Variants in MYSM1 observed in about 807,000 individuals in gnomAD.
The protein encoded by MYSM1 is deubiquitinase MYSM1.
A neutral mutation model predicts 116.0 loss-of-function variants in MYSM1; 51 were observed. The ratio of observed to expected loss-of-function variants is 0.44; its 90% CI spans 0.35 to 0.56. MYSM1 has a LOEUF of 0.56. Ranked by LOEUF, MYSM1 falls within the 20% of genes least tolerant of loss-of-function variation. The probability of loss-of-function intolerance (pLI) is 0.00; values close to 1 mark genes in which losing one functional copy is unlikely to be tolerated. For synonymous variants in MYSM1, 313 were observed against 315.2 expected, an observed-to-expected ratio of 0.99 and a Z score of 0.07; for missense variants, 900 against 974.9, an observed-to-expected ratio of 0.92 and a Z score of 1.02.
intron 1 of MYSM1, among the ~76,000 whole-genome samples, chr1:58,698,102 A>ATATTTTTTTTTTTTT: frequency 7.7e-4 from 6 of 7,768 alleles, no homozygotes; most frequent in African/African-American, 1.5e-3. Flanking sequence ...ATATATATAT[A>ATATTTTTTTTTTTTT]TTTTTTTTTT....
Position 58,676,957 on chromosome 1 carries a change from G to A in MYSM1, c.1359C>T (p.Leu453=), listed in dbSNP as rs74079209. The change falls in exon 9 of 20, where the codon CTC becomes CTT. Residue 453 remains leucine (L), a synonymous_variant. Coordinates refer to ENST00000472487, the MANE Select transcript of MYSM1 (RefSeq NM_001085487.3). The part of the protein sequence containing the change: ...VNCIGRIHTY[L]ELIGAINFGC... ...CAAAATTGATTGCTCCTATCAATTCGAGGTATGTATGAATCCGTCCAATAC... is the reference window on the plus strand; with the variant it reads ...CAAAATTGATTGCTCCTATCAATTCAAGGTATGTATGAATCCGTCCAATAC... The A allele has an allele frequency of 2.7e-3, 4,335 of 1,611,616 alleles. 111 individuals carry two copies. The African/African-American group carries it at 0.052, about 19-fold the overall frequency.
Position 58,656,975 on chromosome 1 carries a change from ACTAT to A in MYSM1, c.*3018_*3021del, listed in dbSNP as rs1390015665. On this transcript the variant is annotated 3_prime_UTR_variant, in exon 20 of 20. Coordinates refer to ENST00000472487, the MANE Select transcript of MYSM1 (RefSeq NM_001085487.3). Reference sequence around the variant, plus strand: ...GGAAGAAGGGGTCTAAGATGGCAAAACTATCTAGGGCCCACAAGAATCATAATGC... The same window carrying A: ...GGAAGAAGGGGTCTAAGATGGCAAAACTAGGGCCCACAAGAATCATAATGC... 6.6e-6 allele frequency: 1 copy of A among 152,168 alleles called. No individual in the cohort carries two copies. The allele number at this position is 152,168 out of a possible 1,614,324, so 9.4% of individuals were successfully genotyped here.
At chr1:58,673,087 A>T (rs1024173352) in intron 11 of MYSM1, among the ~76,000 whole-genome samples, 1 of 152,206 alleles carries the variant, frequency 6.6e-6, no homozygotes, top group Non-Finnish European at 1.5e-5. Flanking sequence ...TTCGTAAGTT[A>T]AAAAAGCATG....
At position 58,692,695 on chromosome 1, in the gene MYSM1, G is replaced by A. The variant is rs113472538; in HGVS notation, c.218+166C>T. The A allele has an allele frequency of 6.2e-3, 3,160 of 511,584 alleles. 80 individuals carry two copies. The highest frequency in any genetic ancestry group is 0.056 in the African/African-American group (2,829 of 50,906). 31.7% of individuals were successfully genotyped at this position (511,584 alleles called of 1,614,324 possible). ...GATGTTACAGTAAAACAGAACCTGA[G>A]GAAGAAAATGCTGCTTTTTGCATAC... On this transcript the variant is annotated intron_variant, in intron 3 of 19. Transcript: ENST00000472487.
At chr1:58,668,895 C>G in intron 13 of MYSM1, 89 bp downstream of exon 13, 1 of 1,055,184 alleles carries the variant, frequency 9.5e-7, no homozygotes. Flanking sequence ...TATACATATG[C>G]CTTGCACATA....
chr1:58,678,078 T>C (rs1569755301), intron 8 of MYSM1, among the ~76,000 whole-genome samples: 1 of 152,236 alleles, frequency 6.6e-6, no homozygotes, highest in East Asian at 1.9e-4. Flanking sequence ...CTGTCAATAA[T>C]CAATGAACCA....
intron 13 of MYSM1, 130 bp from the exon 14 acceptor site, chr1:58,668,812 A>T: frequency 2.0e-6 from 2 of 1,001,892 alleles, no homozygotes; most frequent in Non-Finnish European, 3.0e-6. Flanking sequence ...AAAGCTCAGC[A>T]CAAACTAGAC....
intron 6 of MYSM1, among the ~76,000 whole-genome samples, chr1:58,686,243 C>T (rs952811637): frequency 6.6e-6 from 1 of 152,042 alleles, no homozygotes; most frequent in African/African-American, 2.4e-5. Context: ...CTTGAGGGAG[C>T]TCCTGTGTGT....
chr1:58,693,784 C>T (rs943332129), intron 2 of MYSM1, among the ~76,000 whole-genome samples: 3 of 152,168 alleles, frequency 2.0e-5, no homozygotes, highest in Admixed American at 1.3e-4. Flanking sequence ...CCACAGTACC[C>T]AAAATTAATT....
rs1469363495 is a variant in MYSM1 at position 58,659,172 on chromosome 1, T to A, written c.*825A>T. The A allele has an allele frequency of 6.6e-6, 1 of 152,198 alleles. No homozygotes were observed. Among genetic ancestry groups the A allele is most frequent in the African/African-American group, 2.4e-5 (1 of 41,450 alleles). 9.4% of individuals were successfully genotyped at this position (152,198 alleles called of 1,614,324 possible). ...TGTTTTAAAAATTAAATCTCTGATT[T>A]ATTCCAGCTTTATTATCATTTGCCT... On this transcript the variant is annotated 3_prime_UTR_variant, in exon 20 of 20. Transcript: ENST00000472487.
At chr1:58,686,771 G>A (rs1208464363) in intron 6 of MYSM1, among the ~76,000 whole-genome samples, 3 of 152,094 alleles carry the variant, frequency 2.0e-5, no homozygotes, top group African/African-American at 7.2e-5. Flanking sequence ...GACAGATCTG[G>A]ATTAAGATAT....
intron 6 of MYSM1, among the ~76,000 whole-genome samples, chr1:58,688,171 A>G (rs1056022003): frequency 5.9e-5 from 9 of 152,066 alleles, no homozygotes; most frequent in Admixed American, 5.9e-4. Context: ...GATCATTTAT[A>G]TATTTATATA....
intron 3 of MYSM1, chr1:58,692,502 G>A (rs115224938): frequency 0.021 from 3,497 of 164,536 alleles, 129 homozygotes; most frequent in African/African-American, 0.08. Context: ...TTCCAACTCT[G>A]TGCCCTTGGA....
chr1:58,669,857 A>C (rs553215), intron 12 of MYSM1, among the ~76,000 whole-genome samples: 9,069 of 85,622 alleles, frequency 0.11, 2,147 homozygotes, highest in African/African-American at 0.28. Flanking sequence ...AAAAAAAAAA[A>C]AAAAACAAAA....
chr1:58,661,965 T>G (rs232781), intron 17 of MYSM1, among the ~76,000 whole-genome samples: 94,988 of 141,432 alleles, frequency 0.67, 29,972 homozygotes, highest in African/African-American at 0.7. Flanking sequence ...ATGCTGTAAG[T>G]TATTGTTTTT....
intron 1 of MYSM1, among the ~76,000 whole-genome samples, chr1:58,695,900 G>A (rs1471686524): frequency 6.6e-6 from 1 of 152,188 alleles, no homozygotes; most frequent in Non-Finnish European, 1.5e-5. Context: ...AAAAGGCTGA[G>A]TAAGTTTTGG....
In MYSM1 at chr1:58,654,782, G is replaced by A. The variant is rs1644297968; in HGVS notation, c.*5215C>T. ...TTTATTTTTATGGAATTTTCAGCAT[G>A]TTTAAACTTAATTTTTAGAACAAAA... On this transcript the variant is annotated 3_prime_UTR_variant, in exon 20 of 20. Transcript: ENST00000472487. 1 of 152,074 alleles carries A rather than the reference G, an allele frequency of 6.6e-6. No individual in the cohort carries two copies. The highest frequency in any genetic ancestry group is 2.4e-5 in the African/African-American group (1 of 41,420). The allele number at this position is 152,074 out of a possible 1,614,324, so 9.4% of individuals were successfully genotyped here. A position where few individuals can be genotyped will look rare whatever the true frequency, so the allele number is the denominator to read the frequency against.
At chr1:58,677,357 A>T (rs753422491) in intron 8 of MYSM1, among the ~76,000 whole-genome samples, 6 of 152,172 alleles carry the variant, frequency 3.9e-5, no homozygotes, top group Non-Finnish European at 7.4e-5. Context: ...GTACAGACAC[A>T]AATTGAATCT....
In MYSM1 at chr1:58,698,201, C is replaced by T. The variant is rs570976976; in HGVS notation, c.68+1784G>A. ...CTGCAAGCTCTGCCTCCCGGGTTCA[C>T]GCCATTCTCCTGCCTCAGCCTCCCA... On this transcript the variant is annotated intron_variant, in intron 1 of 19. Coordinates refer to ENST00000472487, the MANE Select transcript of MYSM1 (RefSeq NM_001085487.3). Among the ~76,000 whole-genome samples the T allele has an allele frequency of 1.6e-4, 24 of 145,984 alleles. 1 individual carries two copies. The highest frequency in any genetic ancestry group is 8.1e-4 in the East Asian group (4 of 4,930).
Sources: allele counts gnomAD v4.1 joint callset (sites outside exome capture counted in the v4.1 genomes callset), GRCh38; gene constraint gnomAD v4.1.1; transcripts MANE v1.5; gene names NCBI Gene and HGNC (gene_info 2026-07-23, HGNC 2026-07-21).